Variants in GALNT13 observed in about 807,000 individuals in gnomAD.
GALNT13 encodes UDP-GalNAc:polypeptide N-acetylgalactosaminyltransferase 13.
A neutral mutation model predicts 64.2 loss-of-function variants in GALNT13; 28 were observed. The ratio of observed to expected loss-of-function variants is 0.44; its 90% CI spans 0.32 to 0.60. The LOEUF is 0.60. GALNT13 is among the 20% of genes least tolerant of loss of function. GALNT13 has a pLI of 0.05. For synonymous variants in GALNT13, 214 were observed against 224.6 expected (o/e 0.95, Z 0.42); for missense variants, 577 against 669.8 (o/e 0.86, Z 1.53).
chr2:153,979,597 T>C (rs915926700), intron 3 of GALNT13, among the ~76,000 whole-genome samples: 1 of 152,226 alleles, frequency 6.6e-6, no homozygotes, highest in African/African-American at 2.4e-5. Context: ...ATTGAAGAGT[T>C]GAGCTCTTTA....
At chr2:154,184,574 T>C (rs1686148735) in intron 4 of GALNT13, among the ~76,000 whole-genome samples, 1 of 152,148 alleles carries the variant, frequency 6.6e-6, no homozygotes, top group African/African-American at 2.4e-5. Context: ...TCATGTGTCT[T>C]AGTCTGTTTA....
intron 4 of GALNT13, among the ~76,000 whole-genome samples, chr2:154,192,107 C>T (rs921853323): frequency 2.0e-5 from 3 of 152,166 alleles, no homozygotes; most frequent in African/African-American, 7.2e-5. Flanking sequence ...CTCCTCCAAC[C>T]GCCCCGGGGC....
chr2:153,949,284 T>A (rs1198066288), intron 3 of GALNT13, among the ~76,000 whole-genome samples: 2 of 152,142 alleles, frequency 1.3e-5, no homozygotes, highest in Non-Finnish European at 2.9e-5. Context: ...TGACTGAATA[T>A]ATATTCAACT....
chr2:153,733,834 G>C, the GALNT13 span, among the ~76,000 whole-genome samples: 2 of 152,148 alleles, frequency 1.3e-5, no homozygotes, highest in African/African-American at 4.8e-5. Flanking sequence ...GCAACAGTAT[G>C]AACTCACAGC....
Position 154,396,396 on chromosome 2 carries a change from G to T in GALNT13, c.1296+266G>T, listed in dbSNP as rs542763935. ...CATTTACGTTCTTAAAATTTACTGT[G>T]TACCCCAAACACCTTTTGTTCATGT... is the stretch of plus-strand genomic sequence containing the variant. On this transcript the variant is annotated intron_variant, in intron 10 of 12. Coordinates refer to ENST00000392825, the MANE Select transcript of GALNT13 (RefSeq NM_052917.4). Among the ~76,000 whole-genome samples the T allele has an allele frequency of 1.2e-4, 18 of 151,962 alleles. No individual in the cohort carries two copies. The South Asian group carries it at 3.5e-3, about 30-fold the overall frequency.
chr2:153,502,451 A>G, the GALNT13 span, among the ~76,000 whole-genome samples: 1 of 152,316 alleles, frequency 6.6e-6, no homozygotes, highest in Admixed American at 6.5e-5. Flanking sequence ...ATAATATTCC[A>G]TGATATATAT....
At chr2:153,276,727 T>G in the GALNT13 span, among the ~76,000 whole-genome samples, 1 of 152,120 alleles carries the variant, frequency 6.6e-6, no homozygotes, top group Non-Finnish European at 1.5e-5. Context: ...TTGGATGTTT[T>G]GCCTATTTTT....
the GALNT13 span, among the ~76,000 whole-genome samples, chr2:153,413,752 G>A: frequency 8.7e-4 from 133 of 152,202 alleles, no homozygotes; most frequent in African/African-American, 3.0e-3. Flanking sequence ...TGTAGAAAAA[G>A]GTCATTTTTC....
the GALNT13 span, among the ~76,000 whole-genome samples, chr2:153,285,170 G>A: frequency 2.6e-5 from 4 of 151,920 alleles, no homozygotes; most frequent in East Asian, 3.9e-4. Context: ...GGGAAATGCC[G>A]GACACTTATA....
At chr2:153,395,259 G>A in the GALNT13 span, among the ~76,000 whole-genome samples, 1 of 152,080 alleles carries the variant, frequency 6.6e-6, no homozygotes, top group African/African-American at 2.4e-5. Context: ...GCAATCAAAG[G>A]CAAAGAATTA....
At chr2:154,203,422 T>G (rs144901602) in intron 4 of GALNT13, among the ~76,000 whole-genome samples, 8 of 152,280 alleles carry the variant, frequency 5.3e-5, no homozygotes, top group African/African-American at 1.9e-4. Context: ...GTCTTTCCTA[T>G]GAACTGTCTC....
chr2:153,914,673 A>G (rs1226134541), intron 2 of GALNT13, among the ~76,000 whole-genome samples: 1 of 152,080 alleles, frequency 6.6e-6, no homozygotes, highest in Admixed American at 6.6e-5. Flanking sequence ...TTATCAAATT[A>G]TCTCTTTTAC....
chr2:153,878,076 A>C (rs185105204), intron 1 of GALNT13, among the ~76,000 whole-genome samples: 135 of 152,292 alleles, frequency 8.9e-4, no homozygotes, highest in South Asian at 1.7e-3. Context: ...CTGATAATTT[A>C]AAAAAATCAA....
rs149655402 is a variant in GALNT13, at chr2:153,987,081, G to A, written c.142+42442G>A. Among the ~76,000 whole-genome samples, 599 of 151,932 alleles carry A rather than the reference G, an allele frequency of 3.9e-3. 2 individuals carry two copies. Among genetic ancestry groups the A allele is most frequent in the African/African-American group, 0.014 (569 of 41,484 alleles). On this transcript the variant is annotated intron_variant, in intron 3 of 12. Coordinates refer to ENST00000392825, the MANE Select transcript of GALNT13 (RefSeq NM_052917.4). Reference sequence around the variant, plus strand: ...GTTTGAACTTAGGAGCAAGGGATTCGAATGCCTAGAGTTGATATCCATTTA... The same window carrying A: ...GTTTGAACTTAGGAGCAAGGGATTCAAATGCCTAGAGTTGATATCCATTTA...
chr2:153,406,065 A>C, the GALNT13 span, among the ~76,000 whole-genome samples: 1 of 152,182 alleles, frequency 6.6e-6, no homozygotes, highest in Non-Finnish European at 1.5e-5. Flanking sequence ...TGTTACAAGA[A>C]GCATATGAAC....
chr2:153,758,840 T>C, the GALNT13 span, among the ~76,000 whole-genome samples: 1 of 152,118 alleles, frequency 6.6e-6, no homozygotes, highest in Non-Finnish European at 1.5e-5. Context: ...GATCCACCCA[T>C]GTCAGCTTCC....
Position 154,266,122 on chromosome 2 carries a change from G to A in GALNT13, c.975+6984G>A, listed in dbSNP as rs115148942. The stretch of plus-strand genomic sequence containing the variant: ...AAAAGCCCTGAGCAAACTATTTATA[G>A]AAAACTCATCAACCTGATAAAGGGT... On this transcript the variant is annotated intron_variant, in intron 8 of 12. Transcript: ENST00000392825. Among the ~76,000 whole-genome samples, 693 of 152,214 alleles carry A rather than the reference G, an allele frequency of 4.6e-3. 8 individuals carry two copies. The highest frequency in any genetic ancestry group is 0.016 in the African/African-American group (660 of 41,566).
chr2:154,324,226 A>G (rs991930964), intron 9 of GALNT13, among the ~76,000 whole-genome samples: 1 of 151,534 alleles, frequency 6.6e-6, no homozygotes, highest in African/African-American at 2.4e-5. Flanking sequence ...TTTTTAGAAC[A>G]TATTTTTAGG....
At chr2:153,822,366 C>A in the GALNT13 span, among the ~76,000 whole-genome samples, 2 of 151,976 alleles carry the variant, frequency 1.3e-5, no homozygotes, top group Non-Finnish European at 2.9e-5. Context: ...AGCAGCACAC[C>A]AATAAGTTAA....
Sources: allele counts gnomAD v4.1 joint callset (sites outside exome capture counted in the v4.1 genomes callset), GRCh38; gene constraint gnomAD v4.1.1; transcripts MANE v1.5; gene names NCBI Gene and HGNC (gene_info 2026-07-23, HGNC 2026-07-21).